The following AOPEP variants were observed in gnomAD, a reference collection of about 807,000 sequenced individuals.
AOPEP encodes the protein aminopeptidase O.
In AOPEP, 77 loss-of-function variants were observed where a neutral mutation model predicts 98.1. That is an observed-to-expected ratio of 0.78 (90% CI 0.65 to 0.95). AOPEP has a LOEUF of 0.95. AOPEP is among the 40% of genes least tolerant of loss of function. AOPEP has a pLI of 0.00. For missense variants in AOPEP, 1,024 were observed against 1,024.7 expected (o/e 1.00, Z 0.01); for synonymous variants, 346 against 365.3 (o/e 0.95, Z 0.60).
intron 1 of AOPEP, among the ~76,000 whole-genome samples, chr9:94,737,795 C>T (rs1445449949): frequency 6.6e-6 from 1 of 152,128 alleles, no homozygotes; most frequent in Non-Finnish European, 1.5e-5. Flanking sequence ...GGTGAATATC[C>T]GTATTTGGTT....
At chr9:94,905,295 A>G (rs574807245) in intron 5 of AOPEP, among the ~76,000 whole-genome samples, 9 of 152,392 alleles carry the variant, frequency 5.9e-5, no homozygotes, top group South Asian at 4.1e-4. Context: ...AGAGCAATCA[A>G]TAATCTTTCA....
intron 13 of AOPEP, among the ~76,000 whole-genome samples, chr9:95,053,455 T>C (rs4744430): frequency 0.75 from 114,707 of 152,124 alleles, 45,900 homozygotes; most frequent in Non-Finnish European, 0.89. Context: ...TAGTATTCCA[T>C]TGCATGGCTA....
intron 9 of AOPEP, among the ~76,000 whole-genome samples, chr9:94,964,477 C>G (rs2059057178): frequency 6.6e-6 from 1 of 152,158 alleles, no homozygotes; most frequent in African/African-American, 2.4e-5. Context: ...TTTCCTGCTT[C>G]TCATGCAATT....
intron 2 of AOPEP, among the ~76,000 whole-genome samples, chr9:94,765,284 A>G (rs1839293862): frequency 6.6e-6 from 1 of 151,684 alleles, no homozygotes; most frequent in South Asian, 2.1e-4. Context: ...TTCAATTTTT[A>G]AAATCTAAAA....
At chr9:94,774,164 T>A (rs1841535592) in intron 3 of AOPEP, among the ~76,000 whole-genome samples, 1 of 151,944 alleles carries the variant, frequency 6.6e-6, no homozygotes, top group Non-Finnish European at 1.5e-5. Context: ...TACAAAAAAT[T>A]AGCCGGGCGT....
the AOPEP span, among the ~76,000 whole-genome samples, chr9:95,093,087 AAC>A: frequency 6.6e-6 from 1 of 152,234 alleles, no homozygotes; most frequent in Admixed American, 6.5e-5. Context: ...TTGTAAAGAA[AAC>A]ACAGATAATT....
At chr9:95,033,753 C>T (rs577631497) in intron 13 of AOPEP, among the ~76,000 whole-genome samples, 2 of 152,246 alleles carry the variant, frequency 1.3e-5, no homozygotes, top group Admixed American at 6.5e-5. Context: ...CAGCAAATCA[C>T]AATACAGTGT....
At chr9:94,816,964 A>C (rs1387039136) in intron 5 of AOPEP, among the ~76,000 whole-genome samples, 2 of 152,180 alleles carry the variant, frequency 1.3e-5, no homozygotes, top group African/African-American at 2.4e-5. Context: ...ATGGTATTAC[A>C]ATTTAGGGTC....
At position 94,895,224 on chromosome 9, in the gene AOPEP, A is replaced by T. The variant is rs545351138; in HGVS notation, c.1365-28762A>T. 1.8e-4 allele frequency among the ~76,000 whole-genome samples: 8 copies of T among 44,146 alleles called. No homozygotes were observed. In the South Asian group the frequency reaches 4.1e-3, roughly 22 times the overall value. The allele number at this position is 44,146 out of a possible 152,430, so 29.0% of individuals were successfully genotyped here. A position where few individuals can be genotyped will look rare whatever the true frequency, so the allele number is the denominator to read the frequency against. ...CAGTGAAACCTCATCTCTACTAAAA[A>T]AAAATAAAATAAAATAAAAAAAAAA... is the stretch of plus-strand genomic sequence containing the variant. On this transcript the variant is annotated intron_variant, in intron 5 of 16. Coordinates refer to ENST00000375315, the MANE Select transcript of AOPEP (RefSeq NM_001193329.3).
intron 13 of AOPEP, among the ~76,000 whole-genome samples, chr9:95,032,630 T>G (rs2064419092): frequency 6.6e-6 from 1 of 152,194 alleles, no homozygotes; most frequent in Non-Finnish European, 1.5e-5. Flanking sequence ...GCTACTCTGC[T>G]CTAGGCACAA....
At chr9:94,816,802 C>A in intron 5 of AOPEP, among the ~76,000 whole-genome samples, 1 of 152,104 alleles carries the variant, frequency 6.6e-6, no homozygotes, top group East Asian at 1.9e-4. Flanking sequence ...TCTAGGATAT[C>A]TGGTTCCCAT....
chr9:95,075,638 C>T lies in AOPEP; in HGVS notation c.2233-5056C>T, dbSNP rs139227130. Among the ~76,000 whole-genome samples, 256 of 152,234 alleles carry T rather than the reference C, an allele frequency of 1.7e-3. 4 individuals carry two copies. The highest frequency in any genetic ancestry group is 5.9e-3 in the African/African-American group (247 of 41,548). On this transcript the variant is annotated intron_variant, in intron 14 of 16. Transcript: ENST00000375315. Reference sequence around the variant, plus strand: ...CTCACACCTATAATCCCAACACTTTCGGAAGCTTAAGGTGGGAAGATGGCT... The same window carrying T: ...CTCACACCTATAATCCCAACACTTTTGGAAGCTTAAGGTGGGAAGATGGCT...
intron 10 of AOPEP, among the ~76,000 whole-genome samples, chr9:94,971,090 G>A (rs1380363905): frequency 2.0e-5 from 3 of 152,124 alleles, no homozygotes; most frequent in African/African-American, 7.2e-5. Flanking sequence ...TCATTTGGAT[G>A]GCCCCTGAGC....
At chr9:94,936,266 G>A (rs146933113) in intron 7 of AOPEP, among the ~76,000 whole-genome samples, 11 of 152,162 alleles carry the variant, frequency 7.2e-5, no homozygotes, top group African/African-American at 2.7e-4. Context: ...CCTTAGTGTG[G>A]CATGCAAGTC....
At chr9:94,795,151 T>C (rs1331065523) in intron 4 of AOPEP, among the ~76,000 whole-genome samples, 1 of 152,230 alleles carries the variant, frequency 6.6e-6, no homozygotes. Context: ...TTAACATTAA[T>C]GTCCCTACTA....
At chr9:94,857,677 A>C in intron 5 of AOPEP, among the ~76,000 whole-genome samples, 1 of 152,248 alleles carries the variant, frequency 6.6e-6, no homozygotes, top group East Asian at 1.9e-4. Context: ...TTCAAGCCAA[A>C]CCCCAGTATA....
chr9:94,879,370 G>C (rs1315731896), intron 5 of AOPEP, among the ~76,000 whole-genome samples: 3 of 152,238 alleles, frequency 2.0e-5, no homozygotes, highest in East Asian at 3.8e-4. Flanking sequence ...ACAAGATGGA[G>C]TTGGTTAGCT....
chr9:95,039,124 T>C (rs1267655424), intron 13 of AOPEP, among the ~76,000 whole-genome samples: 1 of 152,170 alleles, frequency 6.6e-6, no homozygotes, highest in Non-Finnish European at 1.5e-5. Context: ...TCTTTAAATA[T>C]TGAATAGCAT....
intron 3 of AOPEP, among the ~76,000 whole-genome samples, chr9:94,788,224 C>A (rs1844863851): frequency 6.6e-6 from 1 of 152,012 alleles, no homozygotes; most frequent in Non-Finnish European, 1.5e-5. Context: ...GCAGGCACCA[C>A]CAATGCACCT....
Sources: allele counts gnomAD v4.1 joint callset (sites outside exome capture counted in the v4.1 genomes callset), GRCh38; gene constraint gnomAD v4.1.1; transcripts MANE v1.5; gene names NCBI Gene and HGNC (gene_info 2026-07-23, HGNC 2026-07-21).